CAST: variants seen among roughly 807,000 people sequenced by gnomAD.
The protein encoded by CAST is calpastatin.
Under a neutral mutation model 119.6 loss-of-function variants are expected in CAST, and 76 were observed. The observed-to-expected ratio is 0.64, with a 90% CI of 0.53 to 0.77. The LOEUF (loss-of-function observed/expected upper bound fraction) is 0.77. CAST is among the 30% of genes least tolerant of loss of function. CAST has a pLI of 0.00. For synonymous variants in CAST, 319 were observed against 331.6 expected (o/e 0.96, Z 0.41); for missense variants, 953 against 946.5 (o/e 1.01, Z -0.09).
At chr5:96,119,684 C>G in the CAST span, among the ~76,000 whole-genome samples, 3 of 152,180 alleles carry the variant, frequency 2.0e-5, no homozygotes, top group African/African-American at 7.2e-5. Flanking sequence ...CTTTATTCAG[C>G]TGTTTATAGT....
the CAST span, among the ~76,000 whole-genome samples, chr5:96,110,008 C>T: frequency 6.6e-6 from 1 of 151,850 alleles, no homozygotes; most frequent in Non-Finnish European, 1.5e-5. Flanking sequence ...GGAGTGAATG[C>T]AAGAAACTGT....
chr5:96,223,441 G>A, the CAST span, among the ~76,000 whole-genome samples: 2 of 152,104 alleles, frequency 1.3e-5, no homozygotes, highest in African/African-American at 2.4e-5. Context: ...AGGTTATAGT[G>A]GATTAGGATG....
At chr5:96,626,311 C>A (rs1747722103) in intron 1 of CAST, among the ~76,000 whole-genome samples, 1 of 152,224 alleles carries the variant, frequency 6.6e-6, no homozygotes, top group South Asian at 2.1e-4. Context: ...GCCTCTCTTA[C>A]TCCCGAGGGT....
At chr5:96,093,968 TTG>T in the CAST span, among the ~76,000 whole-genome samples, 3 of 151,712 alleles carry the variant, frequency 2.0e-5, no homozygotes, top group African/African-American at 7.3e-5. Flanking sequence ...CTATTCCTGG[TTG>T]GCAATCTTCC....
chr5:96,628,507 AC>A (rs1304146891), intron 1 of CAST, among the ~76,000 whole-genome samples: 2 of 152,158 alleles, frequency 1.3e-5, no homozygotes, highest in Non-Finnish European at 1.5e-5. Flanking sequence ...TATCTAACCA[AC>A]CTCCTTGTTT....
intron 1 of CAST, among the ~76,000 whole-genome samples, chr5:96,674,289 T>A (rs1355063251): frequency 1.3e-5 from 2 of 150,878 alleles, no homozygotes; most frequent in Admixed American, 6.6e-5. Flanking sequence ...GGAAGTGCCT[T>A]GTATATAATA....
chr5:96,423,568 C>G, the CAST span: 1 of 993,750 alleles, frequency 1.0e-6, no homozygotes, highest in Non-Finnish European at 1.6e-6. Context: ...TTGGGTCACT[C>G]TACTCTTTAG....
intron 1 of CAST, among the ~76,000 whole-genome samples, chr5:96,650,692 A>G (rs1200742574): frequency 6.6e-6 from 1 of 151,058 alleles, no homozygotes; most frequent in Admixed American, 6.7e-5. Context: ...TACTTTCCAT[A>G]TATGTAATTT....
chr5:96,501,412 A>C, the CAST span, among the ~76,000 whole-genome samples: 1 of 152,202 alleles, frequency 6.6e-6, no homozygotes, highest in Non-Finnish European at 1.5e-5. Flanking sequence ...GTCAAAAAAA[A>C]CTTGTGGAAC....
chr5:96,477,126 T>C, the CAST span, among the ~76,000 whole-genome samples: 1 of 147,734 alleles, frequency 6.8e-6, no homozygotes, highest in African/African-American at 2.5e-5. Context: ...TATCACAGTC[T>C]TAGCAAATCC....
chr5:96,595,770 G>A (rs993025172), intron 1 of CAST, among the ~76,000 whole-genome samples: 5 of 151,954 alleles, frequency 3.3e-5, no homozygotes, highest in African/African-American at 1.2e-4. Context: ...CATATAGCTT[G>A]GTTAGAGAAA....
chr5:96,041,992 A>T, the CAST span, among the ~76,000 whole-genome samples: 1 of 152,180 alleles, frequency 6.6e-6, no homozygotes, highest in South Asian at 2.1e-4. Context: ...GGGACTTAAG[A>T]CAGGGAAATC....
chr5:96,328,052 T>A, the CAST span, among the ~76,000 whole-genome samples: 1 of 152,196 alleles, frequency 6.6e-6, no homozygotes, highest in African/African-American at 2.4e-5. Flanking sequence ...TGAGGACACA[T>A]GTAGCTTTGG....
chr5:96,059,446 G>A, the CAST span, among the ~76,000 whole-genome samples: 198 of 152,266 alleles, frequency 1.3e-3, no homozygotes, highest in African/African-American at 4.7e-3. Flanking sequence ...TGATATGGCA[G>A]TGTTTCTTCA....
chr5:96,729,516 T>C, intron 7 of CAST, 96 bp from the exon 8 acceptor site: 1 of 667,546 alleles, frequency 1.5e-6, no homozygotes. Flanking sequence ...GAACAATTTT[T>C]ATTCTATAGA....
the CAST span, among the ~76,000 whole-genome samples, chr5:96,234,153 A>G: frequency 2.6e-3 from 393 of 152,288 alleles, 1 homozygote; most frequent in Non-Finnish European, 4.2e-3. Flanking sequence ...GGCTAACTGT[A>G]GCCTGCATCA....
chr5:96,373,831 G>A, the CAST span, among the ~76,000 whole-genome samples: 4 of 151,494 alleles, frequency 2.6e-5, no homozygotes, highest in Admixed American at 6.6e-5. Flanking sequence ...CTGCAGCCTC[G>A]AGCTCCTGGG....
At chr5:95,975,672 A>G in the CAST span, among the ~76,000 whole-genome samples, 1 of 152,232 alleles carries the variant, frequency 6.6e-6, no homozygotes, top group Non-Finnish European at 1.5e-5. Context: ...TGCAGTGAGC[A>G]GTATAAATAG....
chr5:96,118,438 A>T, the CAST span, among the ~76,000 whole-genome samples: 8 of 152,276 alleles, frequency 5.3e-5, no homozygotes, highest in South Asian at 1.7e-3. Flanking sequence ...GGATGGAAAA[A>T]TATGTTTCTT....
Sources: gnomAD v4.1 joint callset for allele counts (sites outside exome capture counted in the v4.1 genomes callset) on GRCh38, gnomAD v4.1.1 for gene constraint, MANE v1.5 for transcripts, NCBI Gene and HGNC (gene_info 2026-07-23, HGNC 2026-07-21) for gene names.